NRCAM: variants seen among roughly 807,000 people sequenced by gnomAD.
NRCAM encodes NgCAM-related cell adhesion molecule.
A neutral mutation model predicts 156.5 loss-of-function variants in NRCAM; 83 were observed. That is an observed-to-expected ratio of 0.53 (90% confidence interval 0.44 to 0.64). The LOEUF (loss-of-function observed/expected upper bound fraction) is 0.64, where lower values mean the gene tolerates loss of function less well. Among genes scored for constraint, NRCAM ranks in the 30% least tolerant of loss-of-function variants. NRCAM has a pLI of 0.00. For missense variants in NRCAM, 1,417 were observed against 1,597.3 expected, an observed-to-expected ratio of 0.89 and a Z score of 1.92; for synonymous variants, 538 against 563.9, an observed-to-expected ratio of 0.95 and a Z score of 0.65.
At chr7:108,391,043 T>C (rs1184633489) in intron 2 of NRCAM, among the ~76,000 whole-genome samples, 20 of 152,212 alleles carry the variant, frequency 1.3e-4, no homozygotes, top group African/African-American at 4.1e-4. Context: ...GAAGAATGTA[T>C]ATTCTGTTGA....
At chr7:108,402,186 C>T (rs2099794603) in intron 1 of NRCAM, among the ~76,000 whole-genome samples, 1 of 152,156 alleles carries the variant, frequency 6.6e-6, no homozygotes, top group Non-Finnish European at 1.5e-5. Context: ...CATGGGTAAA[C>T]AATTTTCCTA....
intron 1 of NRCAM, among the ~76,000 whole-genome samples, chr7:108,439,832 C>CAAAAAAAAAAAAAAAA (rs34432715): frequency 1.4e-5 from 1 of 70,448 alleles, no homozygotes. Context: ...GACTCCGTCA[C>CAAAAAAAAAAAAAAAA]AAAAAAAAAA....
intron 3 of NRCAM, among the ~76,000 whole-genome samples, chr7:108,250,651 A>T (rs115207803): frequency 7.0e-6 from 1 of 142,410 alleles, no homozygotes; most frequent in Admixed American, 7.1e-5. Flanking sequence ...TATTAGGTAC[A>T]AAAAAAAAAA....
intron 3 of NRCAM, among the ~76,000 whole-genome samples, chr7:108,285,672 G>C (rs1441264141): frequency 6.6e-6 from 1 of 152,156 alleles, no homozygotes; most frequent in Non-Finnish European, 1.5e-5. Context: ...TAAAAGCATT[G>C]GGAAGCTAGA....
intron 1 of NRCAM, among the ~76,000 whole-genome samples, chr7:108,426,669 C>A (rs562447106): frequency 4.6e-5 from 7 of 152,310 alleles, no homozygotes; most frequent in Non-Finnish European, 1.0e-4. Flanking sequence ...GAACAAAGGG[C>A]ACACAAGCAC....
chr7:108,189,495 G>A, intron 20 of NRCAM, 150 bp downstream of exon 20: 1 of 584,968 alleles, frequency 1.7e-6, no homozygotes, highest in Non-Finnish European at 3.0e-6. Context: ...TCTGAAGAGA[G>A]GAAGGACATA....
At chr7:108,291,376 T>C (rs1379850687) in intron 3 of NRCAM, among the ~76,000 whole-genome samples, 1 of 152,206 alleles carries the variant, frequency 6.6e-6, no homozygotes, top group Non-Finnish European at 1.5e-5. Context: ...AACAAGCAAA[T>C]GCTTAGAGGT....
intron 32 of NRCAM, among the ~76,000 whole-genome samples, chr7:108,151,779 T>C (rs1240418878): frequency 1.3e-5 from 2 of 152,194 alleles, no homozygotes; most frequent in Admixed American, 1.3e-4. Flanking sequence ...ATTAAATCCT[T>C]CTTGTGAAAT....
chr7:108,325,498 C>T (rs2111201), intron 2 of NRCAM, among the ~76,000 whole-genome samples: 43,478 of 151,740 alleles, frequency 0.29, 6,888 homozygotes, highest in East Asian at 0.56. Flanking sequence ...CCAGTATCTA[C>T]GTTGCTTTCC....
At chr7:108,305,453 G>A (rs1048984922) in intron 3 of NRCAM, among the ~76,000 whole-genome samples, 1 of 152,090 alleles carries the variant, frequency 6.6e-6, no homozygotes, top group African/African-American at 2.4e-5. Context: ...AGGGAACGAA[G>A]CCATTTAGGA....
intron 8 of NRCAM, among the ~76,000 whole-genome samples, 182 bp downstream of exon 8, chr7:108,230,849 C>T (rs3817670): frequency 0.073 from 11,166 of 152,044 alleles, 596 homozygotes; most frequent in African/African-American, 0.14. Flanking sequence ...AAGCAAGATA[C>T]ATAGTAAATG....
At chr7:108,161,831 C>A (rs2049212225) in intron 30 of NRCAM, among the ~76,000 whole-genome samples, 1 of 152,104 alleles carries the variant, frequency 6.6e-6, no homozygotes, top group Admixed American at 6.6e-5. Context: ...AGCAAAAATA[C>A]CTTATTTGAA....
intron 11 of NRCAM, among the ~76,000 whole-genome samples, chr7:108,221,942 CAA>C (rs5886446): frequency 3.5e-5 from 5 of 143,906 alleles, no homozygotes; most frequent in African/African-American, 5.1e-5. Context: ...ATGGTTCAAG[CAA>C]AAAAAAAAAA....
intron 1 of NRCAM, among the ~76,000 whole-genome samples, chr7:108,447,922 C>G (rs1004017097): frequency 1.3e-5 from 2 of 152,132 alleles, no homozygotes; most frequent in African/African-American, 4.8e-5. Flanking sequence ...AACTTTTATT[C>G]TTTTCCCTTT....
chr7:108,189,857 T>A, intron 19 of NRCAM, 111 bp from the exon 20 acceptor site: 3 of 584,582 alleles, frequency 5.1e-6, no homozygotes, highest in Non-Finnish European at 9.1e-6. Context: ...GCACACTTGA[T>A]AGTCAATGAG....
intron 2 of NRCAM, among the ~76,000 whole-genome samples, chr7:108,340,734 A>T (rs1347638802): frequency 6.6e-6 from 1 of 152,220 alleles, no homozygotes; most frequent in Non-Finnish European, 1.5e-5. Context: ...AGGGTAAGGA[A>T]GAAAATCCTA....
At chr7:108,251,365 A>G (rs2096335604) in intron 3 of NRCAM, among the ~76,000 whole-genome samples, 1 of 152,226 alleles carries the variant, frequency 6.6e-6, no homozygotes, top group African/African-American at 2.4e-5. Context: ...TAATTTCTTT[A>G]AATATATTAA....
rs1434099050 is a variant in NRCAM at position 108,182,885 on chromosome 7, A to C, written c.2340T>G (p.Leu780=). ...LNGFESNGPG[L]QYKVSWRQKD... The stretch of plus-strand genomic sequence containing the variant: ...TCTGGCGCCAGCTAACTTTGTACTG[A>C]AGGCCTGGCCCATTAGATTCGAAAC... The change falls in exon 23 of 33, where the codon CTT becomes CTG. Residue 780 remains leucine, a synonymous_variant. Coordinates refer to ENST00000379028, the MANE Select transcript of NRCAM (RefSeq NM_001037132.4). 6.2e-7 allele frequency: 1 copy of C among 1,614,118 alleles called. No individual in the cohort carries two copies. The highest frequency in any genetic ancestry group is 1.3e-5 in the African/African-American group (1 of 74,940).
intron 3 of NRCAM, among the ~76,000 whole-genome samples, chr7:108,268,613 C>CGGGGGGGGGGGGGGG (rs1473356698): frequency 7.5e-4 from 1 of 1,328 alleles, no homozygotes; most frequent in Non-Finnish European, 1.9e-3. Flanking sequence ...ATGAGCGGGG[C>CGGGGGGGGGGGGGGG]GGGGGTGGGG....
Sources: allele counts gnomAD v4.1 joint callset (sites outside exome capture counted in the v4.1 genomes callset), GRCh38; gene constraint gnomAD v4.1.1; transcripts MANE v1.5; gene names NCBI Gene and HGNC (gene_info 2026-07-23, HGNC 2026-07-21).